TMC2: variants seen among roughly 807,000 people sequenced by gnomAD.
The protein encoded by TMC2 is transmembrane channel-like protein 2.
A neutral mutation model predicts 105.9 loss-of-function variants in TMC2; 102 were observed. That is an observed-to-expected ratio of 0.96 (90% confidence interval 0.82 to 1.14). The LOEUF is 1.14. TMC2 is among the 50% of genes most tolerant of loss of function. The pLI, the probability that TMC2 is intolerant of heterozygous loss-of-function variation, is 0.00. For missense variants in TMC2, 1,093 were observed against 1,134.3 expected (o/e 0.96, Z 0.52); for synonymous variants, 402 against 422.8 (o/e 0.95, Z 0.60).
intron 17 of TMC2, among the ~76,000 whole-genome samples, chr20:2,625,437 T>G (rs1255217996): frequency 1.3e-5 from 2 of 152,236 alleles, no homozygotes; most frequent in African/African-American, 4.8e-5. Flanking sequence ...ATTTAATTAT[T>G]TCCATGCATA....
chr20:2,638,846 G>A (rs1334677810), intron 19 of TMC2, among the ~76,000 whole-genome samples: 1 of 152,100 alleles, frequency 6.6e-6, no homozygotes, highest in Non-Finnish European at 1.5e-5. Flanking sequence ...TATTATAAAA[G>A]AGATAAAGTA....
intron 1 of TMC2, 61 bp downstream of exon 1, chr20:2,536,716 A>G (rs1010434294): frequency 2.6e-6 from 4 of 1,532,594 alleles, no homozygotes; most frequent in Non-Finnish European, 3.5e-6. Flanking sequence ...GCAGCAGGGG[A>G]TGGGGGAAGC....
rs557935684 is a variant in TMC2 at position 2,593,444 on chromosome 20, G to T, written c.933+1036G>T. Among the ~76,000 whole-genome samples, 55 of 152,320 alleles carry T rather than the reference G, an allele frequency of 3.6e-4. No individual in the cohort carries two copies. In the South Asian group the frequency reaches 4.6e-3, roughly 13 times the overall value. ...AAGAAAATCAGTGAATATCTGGACT[G>T]AGTAAGAAAAAGCCACGGAGTTTTT... On this transcript the variant is annotated intron_variant, in intron 8 of 19. Transcript: ENST00000358864.
At chr20:2,539,167 G>A (rs952150042) in intron 2 of TMC2, among the ~76,000 whole-genome samples, 1 of 152,180 alleles carries the variant, frequency 6.6e-6, no homozygotes, top group Non-Finnish European at 1.5e-5. Flanking sequence ...GAGAGCGTGT[G>A]CTGGGCTTGG....
intron 17 of TMC2, among the ~76,000 whole-genome samples, chr20:2,626,110 GT>G (rs142431401): frequency 0.12 from 17,915 of 151,942 alleles, 1,209 homozygotes; most frequent in Middle Eastern, 0.17. Flanking sequence ...AAAGGGATGG[GT>G]TTTTTTTCCT....
chr20:2,586,351 G>T (rs75729069), intron 7 of TMC2, among the ~76,000 whole-genome samples: 5,951 of 152,240 alleles, frequency 0.039, 400 homozygotes, highest in African/African-American at 0.13. Flanking sequence ...AAAATGGGAG[G>T]CACAAAGGAG....
chr20:2,594,758 A>C, intron 8 of TMC2, 67 bp from the exon 9 acceptor site: 34 of 1,473,566 alleles, frequency 2.3e-5, no homozygotes, highest in Non-Finnish European at 2.9e-5. Context: ...CTGGTAGAGT[A>C]GACATGTCTG....
Position 2,616,801 on chromosome 20 carries a change from A to G in TMC2, c.1941-271A>G, listed in dbSNP as rs761409097. Among the ~76,000 whole-genome samples, 9 of 152,234 alleles carry G rather than the reference A, an allele frequency of 5.9e-5. No individual in the cohort carries two copies. The highest frequency in any genetic ancestry group is 8.8e-5 in the Non-Finnish European group (6 of 68,038). ...AGGAGAAACAGGCAGGAGACCGTAT[A>G]ATTTGCTAGATGCCTGGGGGCGAGT... On this transcript the variant is annotated intron_variant, in intron 15 of 19. Transcript: ENST00000358864. This position sits in a 1 kb window ranked among gnomAD's most constrained non-coding sequence, Gnocchi z 4.8.
intron 17 of TMC2, among the ~76,000 whole-genome samples, chr20:2,625,496 T>A (rs1461750918): frequency 6.6e-6 from 1 of 152,236 alleles, no homozygotes; most frequent in African/African-American, 2.4e-5. Context: ...TCCGGAGTTT[T>A]AAACCTTTTC....
At chr20:2,581,898 A>T (rs1477467186) in intron 7 of TMC2, among the ~76,000 whole-genome samples, 1 of 152,248 alleles carries the variant, frequency 6.6e-6, no homozygotes, top group African/African-American at 2.4e-5. Context: ...AGCAGCCAAG[A>T]TCTGAACCAT....
intron 2 of TMC2, among the ~76,000 whole-genome samples, chr20:2,550,224 C>T (rs2085948769): frequency 6.6e-6 from 1 of 151,826 alleles, no homozygotes; most frequent in Non-Finnish European, 1.5e-5. Context: ...TGACGCATGC[C>T]TATAGTTCCA....
At position 2,635,929 on chromosome 20, in the gene TMC2, G is replaced by A; in HGVS notation, c.2310G>A (p.Leu770=). Reference sequence around the variant, plus strand: ...GAGGCATGCTTTTCTCTTGCAGCTTGGCCATTTACTACCTGAACTCAGTTT... The same window carrying A: ...GAGGCATGCTTTTCTCTTGCAGCTTAGCCATTTACTACCTGAACTCAGTTT... The part of the protein sequence containing the change: ...LIIPAILLMF[L]AIYYLNSVSK... The change falls in exon 18 of 20, where the codon TTG becomes TTA. Residue 770 remains leucine (L), a synonymous_variant. Coordinates refer to ENST00000358864, the MANE Select transcript of TMC2 (RefSeq NM_080751.3). The A allele has an allele frequency of 6.2e-7, 1 of 1,613,786 alleles. No homozygotes were observed. Among genetic ancestry groups the A allele is most frequent in the Non-Finnish European group, 8.5e-7 (1 of 1,179,732 alleles).
At chr20:2,620,832 A>G (rs972337600) in intron 16 of TMC2, among the ~76,000 whole-genome samples, 2 of 152,220 alleles carry the variant, frequency 1.3e-5, no homozygotes, top group African/African-American at 4.8e-5. Flanking sequence ...TATTCTCAGG[A>G]CTTTAAAACT....
At chr20:2,591,592 C>G (rs1336717095) in intron 7 of TMC2, among the ~76,000 whole-genome samples, 2 of 152,024 alleles carry the variant, frequency 1.3e-5, no homozygotes, top group African/African-American at 4.8e-5. Context: ...GTAGTTCCCG[C>G]TACTCAGGAG....
chr20:2,577,192 G>A (rs1269727389), intron 5 of TMC2, among the ~76,000 whole-genome samples: 3 of 152,010 alleles, frequency 2.0e-5, no homozygotes, highest in Non-Finnish European at 4.4e-5. Flanking sequence ...ACAGGCGTGA[G>A]CAACCGTCCC....
intron 19 of TMC2, among the ~76,000 whole-genome samples, chr20:2,638,388 T>C (rs570025091): frequency 1.3e-5 from 2 of 152,190 alleles, no homozygotes; most frequent in South Asian, 4.2e-4. Context: ...CATACAATTA[T>C]ATATGGCACA....
In TMC2 at chr20:2,612,097, G is replaced by A. The variant is rs73572262; in HGVS notation, c.1594-94G>A. The A allele has an allele frequency of 3.5e-3, 4,473 of 1,278,186 alleles. 139 individuals are homozygous for A. In the African/African-American group the frequency reaches 0.059, roughly 17 times the overall value. The allele number at this position is 1,278,186 out of a possible 1,614,324, so 79.2% of individuals were successfully genotyped here. On this transcript the variant is annotated intron_variant, in intron 12 of 19. Coordinates refer to ENST00000358864, the MANE Select transcript of TMC2 (RefSeq NM_080751.3). ...AGGGGAGAGCAGAAGCTAGATGGTA[G>A]GGTTGTGGCATTTGCTGGCTTTCAC... is the stretch of plus-strand genomic sequence containing the variant.
intron 2 of TMC2, among the ~76,000 whole-genome samples, chr20:2,552,412 T>G (rs148689948): frequency 1.3e-5 from 2 of 152,342 alleles, no homozygotes; most frequent in African/African-American, 4.8e-5. Flanking sequence ...CCAAGGAACA[T>G]TCATTTATTT....
chr20:2,618,683 A>G (rs2086502738), intron 16 of TMC2, among the ~76,000 whole-genome samples: 1 of 152,238 alleles, frequency 6.6e-6, no homozygotes, highest in African/African-American at 2.4e-5. Context: ...GATAATGTGC[A>G]TCTACTGTTC....
Sources: allele counts gnomAD v4.1 joint callset (sites outside exome capture counted in the v4.1 genomes callset), GRCh38; gene constraint gnomAD v4.1.1; non-coding constraint Gnocchi (gnomAD v3.1); transcripts MANE v1.5; gene names NCBI Gene and HGNC (gene_info 2026-07-23, HGNC 2026-07-21).